DOCK2: variants seen among roughly 807,000 people sequenced by gnomAD.
DOCK2 encodes the protein dedicator of cytokinesis protein 2.
DOCK2 carries 87 observed loss-of-function variants against 248.9 expected under a neutral mutation model. That is an observed-to-expected ratio of 0.35 (90% confidence interval 0.29 to 0.42). The LOEUF is 0.42. Ranked by LOEUF, DOCK2 falls within the 10% of genes least tolerant of loss-of-function variation. DOCK2 has a pLI of 1.00. For synonymous variants in DOCK2, 805 were observed against 821.6 expected (o/e 0.98, Z 0.35); for missense variants, 1,747 against 2,300.2 (o/e 0.76, Z 4.92).
chr5:169,696,032 C>G (rs1760603119), intron 10 of DOCK2, 94 bp downstream of exon 10: 4 of 1,441,426 alleles, frequency 2.8e-6, no homozygotes, highest in Admixed American at 2.9e-5. Flanking sequence ...CCGCCTCCTG[C>G]TGCCCCCACC....
chr5:170,056,818 C>T (rs1406611208), intron 43 of DOCK2, 50 bp downstream of exon 43: 1 of 1,541,458 alleles, frequency 6.5e-7, no homozygotes. Flanking sequence ...CCTGGAGGAA[C>T]CAGAGCATGC....
At chr5:170,061,102 C>G (rs1356645682) in intron 44 of DOCK2, among the ~76,000 whole-genome samples, 8 of 152,170 alleles carry the variant, frequency 5.3e-5, no homozygotes, top group Non-Finnish European at 1.2e-4. Context: ...TCTCTTTCAT[C>G]TTATGTTCCC....
At chr5:169,774,672 G>T (rs1765278593) in intron 25 of DOCK2, among the ~76,000 whole-genome samples, 1 of 152,150 alleles carries the variant, frequency 6.6e-6, no homozygotes, top group African/African-American at 2.4e-5. Flanking sequence ...TGAGTGAAGG[G>T]GCAGGGTCAT....
At chr5:169,969,518 A>G (rs1170103805) in intron 27 of DOCK2, among the ~76,000 whole-genome samples, 1 of 152,238 alleles carries the variant, frequency 6.6e-6, no homozygotes, top group African/African-American at 2.4e-5. Context: ...GCTTTTGCAA[A>G]TACCAAATAG....
rs77500867 is a variant in DOCK2, at chr5:169,951,900, C to T, written c.2800-31168C>T. 3.2e-3 allele frequency among the ~76,000 whole-genome samples: 481 copies of T among 152,308 alleles called. 1 individual carries two copies. Among genetic ancestry groups the T allele is most frequent in the Non-Finnish European group, 5.4e-3 (365 of 68,028 alleles). On this transcript the variant is annotated intron_variant, in intron 27 of 51. Coordinates refer to ENST00000520908, the MANE Select transcript of DOCK2 (RefSeq NM_004946.3). ...CAAGAAGCAGACACCAGAACCAGAGCCCCAGGCTCACAAACTTCACTACCT... is the reference window on the plus strand; with the variant it reads ...CAAGAAGCAGACACCAGAACCAGAGTCCCAGGCTCACAAACTTCACTACCT...
chr5:169,790,899 T>G (rs1766297036), intron 25 of DOCK2, among the ~76,000 whole-genome samples: 1 of 152,158 alleles, frequency 6.6e-6, no homozygotes, highest in Non-Finnish European at 1.5e-5. Flanking sequence ...AAGCTCTACT[T>G]ACTATGCCAT....
chr5:169,944,507 G>A (rs1220364237), intron 27 of DOCK2, among the ~76,000 whole-genome samples: 1 of 152,204 alleles, frequency 6.6e-6, no homozygotes, highest in Non-Finnish European at 1.5e-5. Context: ...AGCCAGGCCT[G>A]TGCAGTGAAT....
chr5:169,907,594 C>T (rs1048050412), intron 27 of DOCK2, among the ~76,000 whole-genome samples: 1 of 152,162 alleles, frequency 6.6e-6, no homozygotes, highest in Non-Finnish European at 1.5e-5. Flanking sequence ...TCACAAACAA[C>T]CCAGTATGTT....
At chr5:170,015,380 G>A (rs1176574895) in intron 32 of DOCK2, among the ~76,000 whole-genome samples, 1 of 152,158 alleles carries the variant, frequency 6.6e-6, no homozygotes, top group Admixed American at 6.5e-5. Flanking sequence ...GACCCAGGCT[G>A]TCAGACTCGA....
chr5:169,921,807 C>G (rs954458900), intron 27 of DOCK2, among the ~76,000 whole-genome samples: 37 of 152,204 alleles, frequency 2.4e-4, no homozygotes, highest in Non-Finnish European at 3.7e-4. Flanking sequence ...TCTCCCAGAG[C>G]TCTTAATCGA....
At chr5:169,759,891 C>A in intron 24 of DOCK2, 116 bp downstream of exon 24, 1 of 1,094,840 alleles carries the variant, frequency 9.1e-7, no homozygotes, top group Non-Finnish European at 1.4e-6. Flanking sequence ...TGGGGAAGAC[C>A]TGTGGCAGGG....
At chr5:170,047,763 T>C (rs1012203495) in intron 40 of DOCK2, 149 bp downstream of exon 40, 175 of 611,158 alleles carry the variant, frequency 2.9e-4, no homozygotes, top group South Asian at 9.5e-4. Context: ...GACTCCCCAG[T>C]CAATAGCCCT....
chr5:170,014,791 G>A (rs971632638), intron 32 of DOCK2, among the ~76,000 whole-genome samples: 16 of 152,244 alleles, frequency 1.1e-4, no homozygotes, highest in African/African-American at 3.6e-4. Context: ...CACACAATGG[G>A]TATGGGGAGG....
chr5:170,011,995 A>C (rs1320340144), intron 32 of DOCK2, among the ~76,000 whole-genome samples: 3 of 152,192 alleles, frequency 2.0e-5, no homozygotes, highest in African/African-American at 7.2e-5. Flanking sequence ...TTTCTGTTGC[A>C]TCCTTAACTG....
chr5:169,647,907 C>T (rs566781821), intron 1 of DOCK2, among the ~76,000 whole-genome samples: 13 of 152,270 alleles, frequency 8.5e-5, no homozygotes, highest in Middle Eastern at 6.8e-3. Flanking sequence ...CACAGAAGCT[C>T]AGGAGAGCAG....
intron 22 of DOCK2, among the ~76,000 whole-genome samples, chr5:169,738,978 AT>A: frequency 6.6e-6 from 1 of 152,262 alleles, no homozygotes; most frequent in South Asian, 2.1e-4. Context: ...AGTGTGTTTG[AT>A]CTCCACATTC....
At chr5:169,637,447 CG>C in intron 1 of DOCK2, 78 bp downstream of exon 1, 1 of 1,279,514 alleles carries the variant, frequency 7.8e-7, no homozygotes, top group Non-Finnish European at 9.9e-7. Flanking sequence ...GCTGCGGGGC[CG>C]GCGGCGCGGG....
intron 26 of DOCK2, among the ~76,000 whole-genome samples, chr5:169,838,405 G>A (rs1769725734): frequency 1.3e-5 from 2 of 152,192 alleles, no homozygotes; most frequent in Non-Finnish European, 2.9e-5. Flanking sequence ...GTCTTGATGT[G>A]AGACGATATA....
At chr5:169,645,950 C>T (rs1757433786) in intron 1 of DOCK2, among the ~76,000 whole-genome samples, 2 of 152,012 alleles carry the variant, frequency 1.3e-5, no homozygotes. Context: ...GGGGTTTCAC[C>T]GTGTTAGCCA....
Sources: allele counts gnomAD v4.1 joint callset (sites outside exome capture counted in the v4.1 genomes callset), GRCh38; gene constraint gnomAD v4.1.1; transcripts MANE v1.5; gene names NCBI Gene and HGNC (gene_info 2026-07-23, HGNC 2026-07-21).